The following FBXO15 variants were observed in gnomAD, a reference collection of about 807,000 sequenced individuals.
FBXO15 encodes the protein F-box protein 15, also known as F-box only protein 15.
FBXO15 carries 30 observed loss-of-function variants against 49.5 expected under a neutral mutation model. That is an observed-to-expected ratio of 0.61 (90% confidence interval 0.45 to 0.82). The LOEUF is 0.82. Ranked by LOEUF, FBXO15 falls within the 40% of genes least tolerant of loss-of-function variation. FBXO15 has a pLI of 0.00. For synonymous variants in FBXO15, 250 were observed against 232.7 expected (o/e 1.07, Z -0.68); for missense variants, 591 against 631.5 (o/e 0.94, Z 0.69).
chr18:74,118,993 G>C (rs892501924), intron 8 of FBXO15, among the ~76,000 whole-genome samples: 1 of 152,200 alleles, frequency 6.6e-6, no homozygotes, highest in Non-Finnish European at 1.5e-5. Context: ...GGCAGCTCTG[G>C]AACAGCACAG....
chr18:74,147,728 G>C lies in FBXO15; in HGVS notation c.58C>G (p.Arg20Gly). The change falls in exon 1 of 10, where the codon CGC (arginine) becomes GGC (glycine). Residue 20 changes from arginine to glycine, a missense_variant. Transcript: ENST00000419743. ...QQHWLGLQTL[R>G]GPSRGGGAAR... Reference sequence around the variant, plus strand: ...GCGCCACCGCCCCTGCTGGGCCCGCGCAGCGTCTGGAGGCCGAGCCAGTGC... The same window carrying C: ...GCGCCACCGCCCCTGCTGGGCCCGCCCAGCGTCTGGAGGCCGAGCCAGTGC... 1 of 1,534,582 alleles carries C rather than the reference G, an allele frequency of 6.5e-7. No homozygotes were observed. Among genetic ancestry groups the C allele is most frequent in the Non-Finnish European group, 8.8e-7 (1 of 1,142,584 alleles).
rs548909017 is a variant in FBXO15, at chr18:74,131,849, G to C, written c.333-1191C>G. ...AAAAGCGATTCCCCCACAGAGCAGTGGTCCTGAACTGCAGCAGGACCCCTG... is the reference window on the plus strand; with the variant it reads ...AAAAGCGATTCCCCCACAGAGCAGTCGTCCTGAACTGCAGCAGGACCCCTG... On this transcript the variant is annotated intron_variant, in intron 3 of 9. Transcript: ENST00000419743. Among the ~76,000 whole-genome samples the C allele has an allele frequency of 1.2e-4, 19 of 152,330 alleles. No individual in the cohort carries two copies. In the South Asian group the frequency reaches 3.9e-3, roughly 32 times the overall value.
intron 8 of FBXO15, among the ~76,000 whole-genome samples, chr18:74,112,742 C>A (rs1264375193): frequency 1.3e-5 from 2 of 152,296 alleles, no homozygotes; most frequent in East Asian, 3.9e-4. Flanking sequence ...GATGACATGA[C>A]CATCTTGGTA....
At chr18:74,135,247 T>C (rs1292490053) in intron 3 of FBXO15, among the ~76,000 whole-genome samples, 1 of 152,246 alleles carries the variant, frequency 6.6e-6, no homozygotes, top group East Asian at 1.9e-4. Context: ...GAGGACAGTC[T>C]TGGCCTCTCT....
chr18:74,111,698 T>C (rs1480154880), intron 8 of FBXO15, among the ~76,000 whole-genome samples: 1 of 151,642 alleles, frequency 6.6e-6, no homozygotes, highest in Non-Finnish European at 1.5e-5. Flanking sequence ...AAAGCAATAA[T>C]CAGTAAAATT....
chr18:74,123,200 C>A (rs1278259090), intron 8 of FBXO15, 168 bp downstream of exon 8: 2 of 657,212 alleles, frequency 3.0e-6, no homozygotes, highest in Admixed American at 3.0e-5. Context: ...AGACTCGGTC[C>A]AGTGAGGACT....
chr18:74,100,154 CATATG>C (rs760894516), intron 8 of FBXO15: 8 of 152,052 alleles, frequency 5.3e-5, no homozygotes, highest in Non-Finnish European at 1.0e-4. Flanking sequence ...CAAGATAGGC[CATATG>C]ATAAGCCACA....
rs1256644014 is a variant in FBXO15, at chr18:74,147,559, G to T, written c.116+111C>A. The T allele has an allele frequency of 9.3e-6, 12 of 1,285,480 alleles. No individual in the cohort carries two copies. In the African/African-American group the frequency reaches 1.2e-4, roughly 13 times the overall value. 79.6% of individuals were successfully genotyped at this position (1,285,480 alleles called of 1,614,324 possible). A position where few individuals can be genotyped will look rare whatever the true frequency, so the allele number is the denominator to read the frequency against. On this transcript the variant is annotated intron_variant, in intron 1 of 9. Coordinates refer to ENST00000419743, the MANE Select transcript of FBXO15 (RefSeq NM_001142958.2). The stretch of plus-strand genomic sequence containing the variant: ...TCCATACCCTTCTCACGTTGAAGAC[G>T]GCCACGGGCCTTGCGCCAAGCTGGA...
At chr18:74,092,218 A>G (rs1913065277) in intron 8 of FBXO15, among the ~76,000 whole-genome samples, 1 of 152,162 alleles carries the variant, frequency 6.6e-6, no homozygotes, top group South Asian at 2.1e-4. Flanking sequence ...TTTTTCAGCT[A>G]CATCAGCTCA....
intron 8 of FBXO15, among the ~76,000 whole-genome samples, chr18:74,089,506 T>C (rs1912919350): frequency 6.6e-6 from 1 of 152,206 alleles, no homozygotes; most frequent in African/African-American, 2.4e-5. Flanking sequence ...TTGTTCCAGT[T>C]TTCAAGGGGA....
chr18:74,079,275 C>G (rs922464678), intron 9 of FBXO15, among the ~76,000 whole-genome samples: 1 of 152,186 alleles, frequency 6.6e-6, no homozygotes, highest in Non-Finnish European at 1.5e-5. Flanking sequence ...ACTTTGATTA[C>G]TTGACTTATG....
intron 2 of FBXO15, among the ~76,000 whole-genome samples, chr18:74,137,533 G>A (rs1439925004): frequency 6.6e-6 from 1 of 152,200 alleles, no homozygotes. Flanking sequence ...CTAACCTAAT[G>A]AAAAGGGGGG....
chr18:74,088,508 T>C (rs1271781396), intron 8 of FBXO15, among the ~76,000 whole-genome samples: 2 of 152,162 alleles, frequency 1.3e-5, no homozygotes, highest in Admixed American at 1.3e-4. Flanking sequence ...ATCAGATGGT[T>C]GTAGGTGTGT....
At chr18:74,083,747 C>T (rs1460147337) in intron 8 of FBXO15, among the ~76,000 whole-genome samples, 1 of 152,198 alleles carries the variant, frequency 6.6e-6, no homozygotes, top group Non-Finnish European at 1.5e-5. Context: ...TTTCCGCCAA[C>T]CCTCTGTAAC....
rs533608865 is a variant in FBXO15, at chr18:74,129,958, T to A, written c.576-344A>T. 2.0e-5 allele frequency among the ~76,000 whole-genome samples: 3 copies of A among 152,320 alleles called. No individual in the cohort carries two copies. In the East Asian group the frequency reaches 5.8e-4, roughly 29 times the overall value. On this transcript the variant is annotated intron_variant, in intron 4 of 9. Transcript: ENST00000419743. ...AAAACTTTAGGCTACTTACTAGTTA[T>A]CCCTCTGTCTCCGCAAGAAATTGGT... is the stretch of plus-strand genomic sequence containing the variant.
At chr18:74,137,894 C>T (rs1189670425) in intron 2 of FBXO15, among the ~76,000 whole-genome samples, 1 of 152,190 alleles carries the variant, frequency 6.6e-6, no homozygotes, top group Non-Finnish European at 1.5e-5. Context: ...ACGTCCTTGT[C>T]CCTGCTTCAT....
At chr18:74,131,464 T>C (rs193251025) in intron 3 of FBXO15, among the ~76,000 whole-genome samples, 73 of 152,240 alleles carry the variant, frequency 4.8e-4, no homozygotes, top group African/African-American at 1.5e-3. Flanking sequence ...CACAAAGAAA[T>C]GGGTCAAAGA....
At chr18:74,098,702 T>A (rs1413554664) in intron 8 of FBXO15, 1 of 152,176 alleles carries the variant, frequency 6.6e-6, no homozygotes, top group African/African-American at 2.4e-5. Context: ...TTTGGGGGAA[T>A]AATCCGGGAA....
intron 8 of FBXO15, among the ~76,000 whole-genome samples, chr18:74,114,370 C>G (rs528093695): frequency 6.6e-6 from 1 of 152,174 alleles, no homozygotes; most frequent in Non-Finnish European, 1.5e-5. Flanking sequence ...ACCCCATGCC[C>G]TTTTTAACTT....
Sources: gnomAD v4.1 joint callset for allele counts (sites outside exome capture counted in the v4.1 genomes callset) on GRCh38, gnomAD v4.1.1 for gene constraint, MANE v1.5 for transcripts, NCBI Gene and HGNC (gene_info 2026-07-23, HGNC 2026-07-21) for gene names.